ADGRF5: variants seen among roughly 807,000 people sequenced by gnomAD.
ADGRF5 encodes adhesion G protein-coupled receptor F5, also known as G-protein coupled receptor 116.
Under a neutral mutation model 132.3 loss-of-function variants are expected in ADGRF5, and 75 were observed. That is an observed-to-expected ratio of 0.57 (90% CI 0.47 to 0.69). ADGRF5 has a LOEUF of 0.69. Ranked by LOEUF, ADGRF5 falls within the 30% of genes least tolerant of loss-of-function variation. The pLI, the probability that ADGRF5 is intolerant of heterozygous loss-of-function variation, is 0.00. For missense variants in ADGRF5, 1,516 were observed against 1,630.6 expected (o/e 0.93, Z 1.21); for synonymous variants, 629 against 597.6 (o/e 1.05, Z -0.77).
intron 1 of ADGRF5, among the ~76,000 whole-genome samples, chr6:46,952,683 T>G (rs914673032): frequency 6.3e-4 from 96 of 152,374 alleles, no homozygotes; most frequent in African/African-American, 2.2e-3. Flanking sequence ...TTTCAGACAA[T>G]GTACACATTC....
At chr6:46,933,529 C>A (rs1459707934) in intron 1 of ADGRF5, among the ~76,000 whole-genome samples, 7 of 152,170 alleles carry the variant, frequency 4.6e-5, no homozygotes, top group Admixed American at 2.6e-4. Context: ...ATGGACCGAC[C>A]TAGTTGGCCT....
At chr6:46,943,226 G>C (rs1582079610) in intron 1 of ADGRF5, among the ~76,000 whole-genome samples, 1 of 152,136 alleles carries the variant, frequency 6.6e-6, no homozygotes, top group South Asian at 2.1e-4. Context: ...GAAAATGGAT[G>C]ATTTTTGCAG....
At chr6:46,864,614 T>C (rs952043124) in intron 14 of ADGRF5, among the ~76,000 whole-genome samples, 2 of 150,760 alleles carry the variant, frequency 1.3e-5, no homozygotes, top group African/African-American at 4.9e-5. Flanking sequence ...AACCTCCGCC[T>C]CCTGGGTTCA....
intron 10 of ADGRF5, 27 bp from the exon 11 acceptor site, chr6:46,872,040 T>C: frequency 1.3e-6 from 2 of 1,548,710 alleles, no homozygotes; most frequent in Non-Finnish European, 1.8e-6. Context: ...ATTGTTGCCA[T>C]CCCAGCTGGC....
chr6:46,864,048 G>C (rs956899245), intron 14 of ADGRF5, among the ~76,000 whole-genome samples: 1 of 152,156 alleles, frequency 6.6e-6, no homozygotes, highest in Non-Finnish European at 1.5e-5. Flanking sequence ...TGGTGATAAC[G>C]ATCCTTTGTC....
chr6:46,899,903 C>T (rs1004664973), intron 3 of ADGRF5, 126 bp downstream of exon 3: 4 of 683,808 alleles, frequency 5.8e-6, no homozygotes, highest in African/African-American at 5.4e-5. Flanking sequence ...TTGGAAATCA[C>T]ACTGCACTAT....
At chr6:46,925,108 C>T (rs546372633), upstream of ADGRF5, among the ~76,000 whole-genome samples, 1 of 152,306 alleles carries the variant, frequency 6.6e-6, no homozygotes, top group Admixed American at 6.5e-5. Context: ...TTTTCAACAG[C>T]CAGTGAGACC....
chr6:46,896,705 T>C (rs935483919), intron 3 of ADGRF5, among the ~76,000 whole-genome samples: 2 of 151,678 alleles, frequency 1.3e-5, no homozygotes, highest in African/African-American at 4.9e-5. Flanking sequence ...GATACATATA[T>C]ATGTGATACA....
upstream of ADGRF5, among the ~76,000 whole-genome samples, chr6:46,924,107 T>A (rs1420428784): frequency 2.0e-5 from 3 of 152,236 alleles, no homozygotes; most frequent in South Asian, 2.1e-4. Context: ...TTCCAGCATG[T>A]TCCCAGCTGT....
intron 10 of ADGRF5, among the ~76,000 whole-genome samples, chr6:46,872,255 T>A (rs1771155632): frequency 6.6e-6 from 1 of 152,164 alleles, no homozygotes; most frequent in South Asian, 2.1e-4. Flanking sequence ...TTAACCACCT[T>A]GTGCTTCAGT....
At chr6:46,860,232 C>G (rs531305598) in intron 16 of ADGRF5, among the ~76,000 whole-genome samples, 1 of 152,234 alleles carries the variant, frequency 6.6e-6, no homozygotes, top group East Asian at 1.9e-4. Flanking sequence ...TGCCTCATCA[C>G]CCCTGGTTTA....
intron 1 of ADGRF5, among the ~76,000 whole-genome samples, chr6:46,938,299 G>A (rs1777924007): frequency 6.6e-6 from 1 of 152,122 alleles, no homozygotes; most frequent in Non-Finnish European, 1.5e-5. Context: ...CTCATAAGAA[G>A]CAAATCAGAG....
chr6:46,860,235 C>T (rs1222859762), intron 16 of ADGRF5, among the ~76,000 whole-genome samples: 1 of 152,146 alleles, frequency 6.6e-6, no homozygotes, highest in East Asian at 1.9e-4. Flanking sequence ...CTCATCACCC[C>T]TGGTTTATTT....
intron 1 of ADGRF5, among the ~76,000 whole-genome samples, chr6:46,928,416 C>T (rs544137233): frequency 6.6e-6 from 1 of 152,166 alleles, no homozygotes; most frequent in East Asian, 1.9e-4. Flanking sequence ...ATATTTACAA[C>T]CAGAAAAATA....
intron 6 of ADGRF5, among the ~76,000 whole-genome samples, chr6:46,882,476 G>A (rs1296905941): frequency 6.6e-6 from 1 of 152,208 alleles, no homozygotes. Flanking sequence ...GCCTTCCAAG[G>A]AGTCCCAGTG....
rs560181166 is a variant in ADGRF5, at chr6:46,859,704, G to A, written c.2380-181C>T. Among the ~76,000 whole-genome samples the A allele has an allele frequency of 2.6e-5, 4 of 152,260 alleles. No homozygotes were observed. The East Asian group carries it at 5.8e-4, about 22-fold the overall frequency. On this transcript the variant is annotated intron_variant, in intron 16 of 20. Transcript: ENST00000283296. Reference sequence around the variant, plus strand: ...TATGGCAGAGTTTAGCAAAGGATGGGTCCCCAAGACTGAAAGATGCCAGTA... The same window carrying A: ...TATGGCAGAGTTTAGCAAAGGATGGATCCCCAAGACTGAAAGATGCCAGTA...
chr6:46,935,177 G>T (rs1777758107), intron 1 of ADGRF5, among the ~76,000 whole-genome samples: 1 of 151,626 alleles, frequency 6.6e-6, no homozygotes. Context: ...CTAATTTTTT[G>T]TATCTTTAGT....
chr6:46,866,870 A>G, intron 13 of ADGRF5, 55 bp downstream of exon 13: 1 of 1,078,482 alleles, frequency 9.3e-7, no homozygotes, highest in Non-Finnish European at 1.4e-6. Flanking sequence ...CTAAATTTTT[A>G]GACTCCACAT....
chr6:46,911,118 C>T (rs112564707), intron 1 of ADGRF5, among the ~76,000 whole-genome samples: 3 of 152,270 alleles, frequency 2.0e-5, no homozygotes, highest in African/African-American at 7.2e-5. Context: ...TCTCTGCTCC[C>T]TCTCTACAGA....
Sources: allele counts gnomAD v4.1 joint callset (sites outside exome capture counted in the v4.1 genomes callset), GRCh38; gene constraint gnomAD v4.1.1; transcripts MANE v1.5; gene names NCBI Gene and HGNC (gene_info 2026-07-23, HGNC 2026-07-21).